EPS15L1: variants seen among roughly 807,000 people sequenced by gnomAD.
EPS15L1 encodes epidermal growth factor receptor pathway substrate 15 like 1.
EPS15L1 carries 43 observed loss-of-function variants against 117.1 expected under a neutral mutation model. The ratio of observed to expected loss-of-function variants is 0.37; its 90% CI spans 0.29 to 0.47. EPS15L1 has a LOEUF of 0.47. Among genes scored for constraint, EPS15L1 ranks in the 20% least tolerant of loss-of-function variants. The pLI is 0.99. For missense variants in EPS15L1, 981 were observed against 1,164.0 expected (o/e 0.84, Z 2.29); for synonymous variants, 459 against 470.5 (o/e 0.98, Z 0.32).
intron 13 of EPS15L1, among the ~76,000 whole-genome samples, chr19:16,407,924 C>T (rs934178109): frequency 3.9e-5 from 6 of 152,234 alleles, no homozygotes; most frequent in African/African-American, 1.4e-4. Flanking sequence ...GGGACAGAGA[C>T]TGTGTCTCCA....
intron 10 of EPS15L1, among the ~76,000 whole-genome samples, chr19:16,418,360 C>T (rs993025093): frequency 3.9e-5 from 6 of 152,190 alleles, no homozygotes; most frequent in East Asian, 3.9e-4. Flanking sequence ...GCTGAGGAGC[C>T]GACCCCCTGG....
At chr19:16,385,747 T>C (rs1260862964) in intron 20 of EPS15L1, among the ~76,000 whole-genome samples, 2 of 152,030 alleles carry the variant, frequency 1.3e-5, no homozygotes, top group Non-Finnish European at 2.9e-5. Flanking sequence ...TCCCATTGCA[T>C]AAAGGCTCGA....
chr19:16,371,264 C>T lies in EPS15L1; in HGVS notation c.2380+5858G>A, dbSNP rs1373651610. On this transcript the variant is annotated intron_variant, in intron 22 of 23. Coordinates refer to ENST00000455140, the MANE Select transcript of EPS15L1 (RefSeq NM_001258374.3). The surrounding 1 kb of genome is among the most constrained non-coding windows in gnomAD (Gnocchi z 4.7). ...AGCACTTAGGACCTCAGGGCTTCCT[C>T]GGTGGCTGCATCCTGTGTGGCACCC... is the stretch of plus-strand genomic sequence containing the variant. Among the ~76,000 whole-genome samples the T allele has an allele frequency of 2.6e-5, 4 of 152,112 alleles. No individual in the cohort carries two copies. Among genetic ancestry groups the T allele is most frequent in the Admixed American group, 1.3e-4 (2 of 15,276 alleles).
intron 1 of EPS15L1, among the ~76,000 whole-genome samples, chr19:16,452,990 C>T (rs548646145): frequency 1.8e-4 from 28 of 152,036 alleles, no homozygotes; most frequent in Admixed American, 1.5e-3. Flanking sequence ...TTAGTAGAGA[C>T]GGGGTTTCAC....
intron 22 of EPS15L1, among the ~76,000 whole-genome samples, chr19:16,374,974 G>A (rs2092275989): frequency 6.6e-6 from 1 of 152,242 alleles, no homozygotes; most frequent in Non-Finnish European, 1.5e-5. Flanking sequence ...CTCAATGAAT[G>A]CATGCACATA....
intron 7 of EPS15L1, among the ~76,000 whole-genome samples, chr19:16,433,624 G>A (rs2092950568): frequency 6.6e-6 from 1 of 151,962 alleles, no homozygotes; most frequent in African/African-American, 2.4e-5. Context: ...GGCAGTTCGA[G>A]ACCAGCCTGG....
rs2092611003 is a variant in EPS15L1 at position 16,402,378 on chromosome 19, G to T, written c.1734C>A (p.Asp578Glu). The change falls in exon 16 of 24, where the codon GAC becomes GAA. Residue 578 changes from aspartate (D) to glutamate (E), a missense_variant. Coordinates refer to ENST00000455140, the MANE Select transcript of EPS15L1 (RefSeq NM_001258374.3). ...AGACGCCTTCGCTCAGGTTGGCCAG[G>T]TCGGTCAGGCTGGCACCATGGGCTC... ...LDGAHGASLT[D>E]LANLSEGVSL... 6.2e-7 allele frequency: 1 copy of T among 1,613,984 alleles called. No individual in the cohort carries two copies.
Position 16,471,032 on chromosome 19 carries a change from T to C in EPS15L1, c.33+881A>G, listed in dbSNP as rs926478662. Among the ~76,000 whole-genome samples the C allele has an allele frequency of 6.6e-6, 1 of 152,230 alleles. No individual in the cohort carries two copies. Among genetic ancestry groups the C allele is most frequent in the Non-Finnish European group, 1.5e-5 (1 of 68,040 alleles). ...GATTTGAACACATGATCTGACCCTG[T>C]GTCCTCACTCTTAATCACCATGCTG... On this transcript the variant is annotated intron_variant, in intron 1 of 23. Transcript: ENST00000455140. The surrounding 1 kb of genome is among the most constrained non-coding windows in gnomAD (Gnocchi z 4.8).
rs766368537 is a variant in EPS15L1, at chr19:16,373,362, G to A, written c.2380+3760C>T. Among the ~76,000 whole-genome samples the A allele has an allele frequency of 3.3e-5, 5 of 152,222 alleles. No homozygotes were observed. In the East Asian group the frequency reaches 9.7e-4, roughly 29 times the overall value. Reference sequence around the variant, plus strand: ...GCCGTCACTGTGTGCTGGCCGTGTGGTCTCCCTGAGCAGAAAAAGCCTGGG... The same window carrying A: ...GCCGTCACTGTGTGCTGGCCGTGTGATCTCCCTGAGCAGAAAAAGCCTGGG... On this transcript the variant is annotated intron_variant, in intron 22 of 23. Transcript: ENST00000455140.
At chr19:16,369,892 G>C (rs747406251) in intron 22 of EPS15L1, among the ~76,000 whole-genome samples, 2 of 152,222 alleles carry the variant, frequency 1.3e-5, no homozygotes, top group African/African-American at 4.8e-5. Context: ...CCTCTGGGGG[G>C]ATTTCCAGGG....
chr19:16,366,782 A>C (rs2092139090), intron 22 of EPS15L1, among the ~76,000 whole-genome samples: 1 of 152,176 alleles, frequency 6.6e-6, no homozygotes, highest in South Asian at 2.1e-4. Context: ...TTGAGCAAAG[A>C]AAGCCCCCGG....
rs2092902537 is a variant in EPS15L1, at chr19:16,428,774, G to C, written c.499-13C>G. The C allele has an allele frequency of 6.2e-7, 1 of 1,604,570 alleles. No individual in the cohort carries two copies. Among genetic ancestry groups the C allele is most frequent in the Non-Finnish European group, 8.5e-7 (1 of 1,175,288 alleles). ...TGAGGTCCCAGACCTGCAAGGGAGA[G>C]ACCAGCATGGGTAACTGTGGGAGGA... On this transcript the variant is annotated splice_polypyrimidine_tract_variant and intron_variant, in intron 7 of 23. Transcript: ENST00000455140.
intron 17 of EPS15L1, among the ~76,000 whole-genome samples, chr19:16,394,287 G>C (rs559124287): frequency 6.6e-6 from 1 of 152,254 alleles, no homozygotes; most frequent in South Asian, 2.1e-4. Context: ...CACAGAGTGG[G>C]CTAGAATTCA....
intron 1 of EPS15L1, among the ~76,000 whole-genome samples, chr19:16,448,824 C>A (rs138863131): frequency 6.6e-6 from 1 of 150,920 alleles, no homozygotes; most frequent in South Asian, 2.1e-4. Context: ...AGCAAGACTC[C>A]GTCTCAAAAA....
chr19:16,370,671 A>G lies in EPS15L1; in HGVS notation c.2380+6451T>C, dbSNP rs1198677002. 6.6e-6 allele frequency among the ~76,000 whole-genome samples: 1 copy of G among 152,230 alleles called. No homozygotes were observed. Among genetic ancestry groups the G allele is most frequent in the Non-Finnish European group, 1.5e-5 (1 of 68,032 alleles). On this transcript the variant is annotated intron_variant, in intron 22 of 23. Transcript: ENST00000455140. This position sits in a 1 kb window ranked among gnomAD's most constrained non-coding sequence, Gnocchi z 5.2. The stretch of plus-strand genomic sequence containing the variant: ...TATTTTCAAACTCAGTGGTCTTTAC[A>G]GAACAGAAAGTGCTCCAAACGGCAA...
chr19:16,438,171 G>A (rs1475735348), intron 4 of EPS15L1, among the ~76,000 whole-genome samples: 3 of 152,026 alleles, frequency 2.0e-5, no homozygotes, highest in Admixed American at 6.6e-5. Context: ...TGGCCAACAT[G>A]GCGAAACCTC....
intron 7 of EPS15L1, among the ~76,000 whole-genome samples, chr19:16,430,917 G>A (rs534742881): frequency 1.3e-5 from 2 of 152,334 alleles, no homozygotes; most frequent in African/African-American, 2.4e-5. Context: ...GGAGGGACAT[G>A]GGTGCATAGA....
At chr19:16,412,878 G>A in intron 13 of EPS15L1, 1 of 602,302 alleles carries the variant, frequency 1.7e-6, no homozygotes, top group Non-Finnish European at 3.1e-6. Context: ...AGGAGTGGAT[G>A]CCCATCACCA....
rs114142682 is a variant in EPS15L1 at position 16,442,965 on chromosome 19, G to A, written c.34-746C>T. On this transcript the variant is annotated intron_variant, in intron 1 of 23. Transcript: ENST00000455140. ...CGGCCAAGTCCAGACACTTCCCGCTGTGTCCTGAGCTCTGCCAGACGTCTC... is the reference window on the plus strand; with the variant it reads ...CGGCCAAGTCCAGACACTTCCCGCTATGTCCTGAGCTCTGCCAGACGTCTC... Among the ~76,000 whole-genome samples the A allele has an allele frequency of 5.9e-3, 900 of 152,334 alleles. 10 individuals are homozygous for A. Among genetic ancestry groups the A allele is most frequent in the African/African-American group, 0.02 (845 of 41,564 alleles).
Sources: allele counts gnomAD v4.1 joint callset (sites outside exome capture counted in the v4.1 genomes callset), GRCh38; gene constraint gnomAD v4.1.1; non-coding constraint Gnocchi (gnomAD v3.1); transcripts MANE v1.5; gene names NCBI Gene and HGNC (gene_info 2026-07-23, HGNC 2026-07-21).